The following ORC5 variants were observed in gnomAD, a reference collection of about 807,000 sequenced individuals.
ORC5 encodes origin recognition complex subunit 5, also known as protein phosphatase 1, regulatory subunit 117.
A neutral mutation model predicts 58.8 loss-of-function variants in ORC5; 39 were observed. The ratio of observed to expected loss-of-function variants is 0.66; its 90% CI spans 0.51 to 0.87. The LOEUF is 0.87. Ranked by LOEUF, ORC5 falls within the 40% of genes least tolerant of loss-of-function variation. ORC5 has a pLI of 0.00. For synonymous variants in ORC5, 218 were observed against 177.6 expected (o/e 1.23, Z -1.81); for missense variants, 493 against 506.3 (o/e 0.97, Z 0.25).
intron 6 of ORC5, 144 bp from the exon 7 acceptor site, chr7:104,184,315 G>C: frequency 1.6e-6 from 1 of 613,030 alleles, no homozygotes; most frequent in East Asian, 2.8e-5. Flanking sequence ...ATACGCAGTG[G>C]CATGTGCCTG....
At chr7:104,139,763 T>C (rs962888849) in intron 12 of ORC5, among the ~76,000 whole-genome samples, 2 of 152,074 alleles carry the variant, frequency 1.3e-5, no homozygotes, top group Admixed American at 6.5e-5. Flanking sequence ...TTGCAAATGT[T>C]ATGTTCTTTG....
intron 11 of ORC5, among the ~76,000 whole-genome samples, chr7:104,162,642 T>C (rs1311160220): frequency 6.6e-6 from 1 of 152,230 alleles, no homozygotes; most frequent in Non-Finnish European, 1.5e-5. Flanking sequence ...TTGTATGCTT[T>C]TGTCACTAAA....
At chr7:104,172,458 T>A (rs1049626660) in intron 8 of ORC5, among the ~76,000 whole-genome samples, 1 of 152,196 alleles carries the variant, frequency 6.6e-6, no homozygotes, top group Non-Finnish European at 1.5e-5. Flanking sequence ...AATTTTTACC[T>A]GAATTATAGG....
chr7:104,172,591 A>G (rs1034509044), intron 8 of ORC5, among the ~76,000 whole-genome samples: 7 of 152,238 alleles, frequency 4.6e-5, no homozygotes, highest in Non-Finnish European at 1.0e-4. Flanking sequence ...GACAGTGTTG[A>G]TATTTTTAGG....
chr7:104,160,946 T>C (rs1047088838), intron 12 of ORC5, 126 bp downstream of exon 12: 9 of 610,486 alleles, frequency 1.5e-5, no homozygotes, highest in Non-Finnish European at 2.6e-5. Context: ...ACCAAAAACA[T>C]GGTTCATTAT....
intron 13 of ORC5, 98 bp from the exon 14 acceptor site, chr7:104,126,991 T>C (rs1798439078): frequency 1.3e-6 from 1 of 791,270 alleles, no homozygotes; most frequent in Non-Finnish European, 2.1e-6. Context: ...TCATGACTAA[T>C]GCTAAAAATC....
chr7:104,166,445 T>C (rs1393967465), intron 10 of ORC5, among the ~76,000 whole-genome samples: 2 of 152,222 alleles, frequency 1.3e-5, no homozygotes, highest in African/African-American at 2.4e-5. Context: ...TGGATAATTA[T>C]TCACTACAGT....
intron 6 of ORC5, chr7:104,187,653 C>A: frequency 4.3e-6 from 3 of 694,882 alleles, no homozygotes; most frequent in Non-Finnish European, 5.3e-6. Flanking sequence ...CAAAAAAGGT[C>A]AAAGAAAAAT....
chr7:104,151,498 AAAACTAG>A (rs1482130990), intron 12 of ORC5, among the ~76,000 whole-genome samples: 2 of 152,188 alleles, frequency 1.3e-5, no homozygotes, highest in East Asian at 1.9e-4. Context: ...AGCTAAACTA[AAAACTAG>A]AAACTATATT....
intron 1 of ORC5, among the ~76,000 whole-genome samples, chr7:104,206,767 C>A (rs566877281): frequency 6.6e-6 from 1 of 152,150 alleles, no homozygotes; most frequent in African/African-American, 2.4e-5. Flanking sequence ...GATTATAATA[C>A]CCTATTTTCA....
At chr7:104,180,906 T>C (rs770004423) in intron 8 of ORC5, among the ~76,000 whole-genome samples, 5 of 152,204 alleles carry the variant, frequency 3.3e-5, no homozygotes, top group African/African-American at 9.6e-5. Flanking sequence ...TTTTTATCCA[T>C]GGCTATTCTA....
chr7:104,189,064 G>A (rs1195769720), intron 5 of ORC5, among the ~76,000 whole-genome samples: 1 of 152,038 alleles, frequency 6.6e-6, no homozygotes. Context: ...GTTTATAGCA[G>A]TGTGAGAATG....
chr7:104,207,124 T>C (rs1800107803), intron 1 of ORC5, among the ~76,000 whole-genome samples: 1 of 152,204 alleles, frequency 6.6e-6, no homozygotes, highest in South Asian at 2.1e-4. Flanking sequence ...GATCCAAGTT[T>C]GATTAATTCC....
rs149289352 is a variant in ORC5, at chr7:104,151,542, C to T, written c.1149+9530G>A. On this transcript the variant is annotated intron_variant, in intron 12 of 13. Coordinates refer to ENST00000297431, the MANE Select transcript of ORC5 (RefSeq NM_002553.4). The stretch of plus-strand genomic sequence containing the variant: ...TCTTTGTTTTTCTAGCATCTAATAA[C>T]GCGTATACTACATGGCAGGTGCTTA... Among the ~76,000 whole-genome samples the T allele has an allele frequency of 9.2e-5, 14 of 152,232 alleles. No individual in the cohort carries two copies. The East Asian group carries it at 1.9e-3, about 21-fold the overall frequency.
intron 4 of ORC5, among the ~76,000 whole-genome samples, chr7:104,196,573 C>T (rs1474724983): frequency 1.3e-5 from 2 of 152,164 alleles, no homozygotes; most frequent in Non-Finnish European, 2.9e-5. Context: ...CTTGGGCACA[C>T]AGTAATTTCA....
chr7:104,173,377 A>G (rs183748863), intron 8 of ORC5, among the ~76,000 whole-genome samples: 1 of 152,336 alleles, frequency 6.6e-6, no homozygotes, highest in Admixed American at 6.5e-5. Context: ...TGCAATGCCC[A>G]TCCTCAAATA....
At chr7:104,178,310 A>C (rs1251453065) in intron 8 of ORC5, among the ~76,000 whole-genome samples, 1 of 152,174 alleles carries the variant, frequency 6.6e-6, no homozygotes, top group Non-Finnish European at 1.5e-5. Context: ...CATTTCTCTA[A>C]TGACCAGTGC....
At chr7:104,169,309 C>CT (rs1436117088) in intron 8 of ORC5, among the ~76,000 whole-genome samples, 3 of 35,044 alleles carry the variant, frequency 8.6e-5, no homozygotes, top group African/African-American at 1.3e-4. Context: ...TTGTAGGATG[C>CT]TTGCAGAGTT....
intron 13 of ORC5, among the ~76,000 whole-genome samples, chr7:104,131,400 G>A (rs981391800): frequency 2.0e-5 from 3 of 152,140 alleles, no homozygotes; most frequent in Admixed American, 1.3e-4. Flanking sequence ...CTTATATAAC[G>A]TTTCAGTAAT....
Sources: allele counts gnomAD v4.1 joint callset (sites outside exome capture counted in the v4.1 genomes callset), GRCh38; gene constraint gnomAD v4.1.1; transcripts MANE v1.5; gene names NCBI Gene and HGNC (gene_info 2026-07-23, HGNC 2026-07-21).